The following HS2ST1 variants were observed in gnomAD, a reference collection of about 807,000 sequenced individuals.
The protein encoded by HS2ST1 is 2-O-sulfotransferase.
HS2ST1 carries 18 observed loss-of-function variants against 42.9 expected under a neutral mutation model. The observed-to-expected ratio is 0.42, with a 90% confidence interval of 0.29 to 0.62. The LOEUF (loss-of-function observed/expected upper bound fraction) is 0.62. Ranked by LOEUF, HS2ST1 falls within the 20% of genes least tolerant of loss-of-function variation. The pLI, the probability that HS2ST1 is intolerant of heterozygous loss-of-function variation, is 0.21. For missense variants in HS2ST1, 334 were observed against 433.8 expected, an observed-to-expected ratio of 0.77 and a Z score of 2.04; for synonymous variants, 146 against 152.9, an observed-to-expected ratio of 0.95 and a Z score of 0.33.
intron 1 of HS2ST1, among the ~76,000 whole-genome samples, chr1:86,982,750 G>A (rs1247662174): frequency 3.3e-5 from 5 of 152,096 alleles, no homozygotes; most frequent in Admixed American, 1.3e-4. Context: ...TCCTGACCTC[G>A]TGATCCTCCC....
chr1:86,959,816 T>C (rs1647781009), intron 1 of HS2ST1, among the ~76,000 whole-genome samples: 1 of 152,184 alleles, frequency 6.6e-6, no homozygotes, highest in Non-Finnish European at 1.5e-5. Flanking sequence ...TAAACAGATA[T>C]TCCATGTTCA....
intron 1 of HS2ST1, among the ~76,000 whole-genome samples, chr1:87,000,086 C>T (rs975082934): frequency 2.9e-5 from 4 of 140,218 alleles, no homozygotes; most frequent in African/African-American, 1.0e-4. Flanking sequence ...GTAACCAACT[C>T]CTAGCAAATC....
rs370268050 is a variant in HS2ST1 at position 86,944,898 on chromosome 1, T to C, written c.124+29738T>C. Among the ~76,000 whole-genome samples, 92 of 152,014 alleles carry C rather than the reference T, an allele frequency of 6.1e-4. No individual in the cohort carries two copies. In the South Asian group the frequency reaches 0.011, roughly 19 times the overall value. On this transcript the variant is annotated intron_variant, in intron 1 of 6. Transcript: ENST00000370550. Reference sequence around the variant, plus strand: ...CTCCTGGGTATACTAGATACTCCGCTGTTTTTACCCCACTTCCATTGTACG... The same window carrying C: ...CTCCTGGGTATACTAGATACTCCGCCGTTTTTACCCCACTTCCATTGTACG...
intron 1 of HS2ST1, among the ~76,000 whole-genome samples, chr1:86,971,766 TGC>T (rs1648239323): frequency 6.6e-6 from 1 of 152,276 alleles, no homozygotes; most frequent in South Asian, 2.1e-4. Context: ...AGGAATTTTG[TGC>T]AACAAGAGGT....
intron 1 of HS2ST1, among the ~76,000 whole-genome samples, chr1:87,067,160 A>G (rs1401796783): frequency 6.6e-6 from 1 of 152,186 alleles, no homozygotes; most frequent in Non-Finnish European, 1.5e-5. Context: ...GTTTTCCACA[A>G]TGGTTGAACT....
rs78799644 is a variant in HS2ST1 at position 87,093,313 on chromosome 1, G to A, written c.588+644G>A. Among the ~76,000 whole-genome samples the A allele has an allele frequency of 2.8e-3, 424 of 152,058 alleles. 1 individual carries two copies. The highest frequency in any genetic ancestry group is 9.7e-3 in the African/African-American group (403 of 41,484). ...TTTTCCTTTAGGTGTCCAGTGCTTC[G>A]GCCACATGAAATGTCACCATCCTCT... On this transcript the variant is annotated intron_variant, in intron 4 of 6. Transcript: ENST00000370550.
chr1:87,102,750 C>A lies in HS2ST1; in HGVS notation c.687-682C>A, dbSNP rs150741558. 3.2e-4 allele frequency among the ~76,000 whole-genome samples: 48 copies of A among 152,178 alleles called. No individual in the cohort carries two copies. In the East Asian group the frequency reaches 8.7e-3, roughly 28 times the overall value. On this transcript the variant is annotated intron_variant, in intron 5 of 6. Transcript: ENST00000370550. ...CCAATTAATCACTGTTCCCCTCCCCCTCTTTGTTTTTTTTAATAGTTTGAG... is the reference window on the plus strand; with the variant it reads ...CCAATTAATCACTGTTCCCCTCCCCATCTTTGTTTTTTTTAATAGTTTGAG...
chr1:87,062,976 G>A (rs1462327727), intron 1 of HS2ST1, among the ~76,000 whole-genome samples: 1 of 152,116 alleles, frequency 6.6e-6, no homozygotes, highest in Non-Finnish European at 1.5e-5. Context: ...GATATGTCTT[G>A]ACATGGATAT....
At chr1:87,053,032 C>A (rs2100615701) in intron 1 of HS2ST1, among the ~76,000 whole-genome samples, 1 of 152,278 alleles carries the variant, frequency 6.6e-6, no homozygotes, top group East Asian at 1.9e-4. Flanking sequence ...AGTTTGAGAA[C>A]CACTGCTTTA....
intron 1 of HS2ST1, among the ~76,000 whole-genome samples, chr1:87,030,502 A>G (rs775630058): frequency 1.3e-5 from 2 of 152,054 alleles, no homozygotes; most frequent in Non-Finnish European, 2.9e-5. Context: ...TGTCTCATTC[A>G]TTCATATACA....
At chr1:87,091,334 A>G (rs536736735) in intron 3 of HS2ST1, among the ~76,000 whole-genome samples, 2 of 152,180 alleles carry the variant, frequency 1.3e-5, no homozygotes, top group Admixed American at 6.6e-5. Flanking sequence ...CAACCTAACT[A>G]TAACAGATAA....
At chr1:87,072,263 T>C (rs1651430668) in intron 1 of HS2ST1, among the ~76,000 whole-genome samples, 2 of 152,174 alleles carry the variant, frequency 1.3e-5, no homozygotes, top group Admixed American at 1.3e-4. Flanking sequence ...CTAAGTCATA[T>C]TGTTTCTACT....
At chr1:87,027,147 G>T (rs1471945308) in intron 1 of HS2ST1, among the ~76,000 whole-genome samples, 4 of 152,120 alleles carry the variant, frequency 2.6e-5, no homozygotes, top group Non-Finnish European at 5.9e-5. Context: ...TTTAAGCACT[G>T]TGCAGCTTCC....
At chr1:86,949,039 T>A (rs1269289508) in intron 1 of HS2ST1, among the ~76,000 whole-genome samples, 1 of 152,228 alleles carries the variant, frequency 6.6e-6, no homozygotes, top group Non-Finnish European at 1.5e-5. Flanking sequence ...AAAAGCTGAT[T>A]AAGTTTCTGT....
intron 1 of HS2ST1, among the ~76,000 whole-genome samples, chr1:87,015,403 G>A (rs1232278773): frequency 2.7e-5 from 4 of 145,544 alleles, no homozygotes; most frequent in Non-Finnish European, 6.0e-5. Flanking sequence ...GCTGGAATGC[G>A]GTGGCGCAAT....
chr1:87,102,126 C>T (rs988945266), intron 5 of HS2ST1, among the ~76,000 whole-genome samples: 5 of 150,514 alleles, frequency 3.3e-5, no homozygotes, highest in African/African-American at 7.3e-5. Context: ...GGTGTGATCT[C>T]GGCTCACCGC....
At chr1:86,980,520 T>C (rs1648548151) in intron 1 of HS2ST1, among the ~76,000 whole-genome samples, 1 of 152,174 alleles carries the variant, frequency 6.6e-6, no homozygotes, top group Non-Finnish European at 1.5e-5. Flanking sequence ...ATATTGTTAA[T>C]TTAGAAATTG....
intron 1 of HS2ST1, among the ~76,000 whole-genome samples, chr1:86,922,016 T>C (rs139497233): frequency 6.6e-6 from 1 of 152,208 alleles, no homozygotes; most frequent in Non-Finnish European, 1.5e-5. Context: ...TGATTATTGA[T>C]GTGGTTGGGT....
chr1:87,022,700 A>G (rs979186929), intron 1 of HS2ST1, among the ~76,000 whole-genome samples: 1 of 152,210 alleles, frequency 6.6e-6, no homozygotes, highest in Admixed American at 6.5e-5. Context: ...AGCTGCCAAC[A>G]CAGTGTTTTC....
Sources: gnomAD v4.1 joint callset for allele counts (sites outside exome capture counted in the v4.1 genomes callset) on GRCh38, gnomAD v4.1.1 for gene constraint, MANE v1.5 for transcripts, NCBI Gene and HGNC (gene_info 2026-07-23, HGNC 2026-07-21) for gene names.